The following HELZ variants were observed in gnomAD, a reference collection of about 807,000 sequenced individuals.
The protein encoded by HELZ is ATP-dependent RNA helicase with zinc finger domain.
A neutral mutation model predicts 218.2 loss-of-function variants in HELZ; 23 were observed. That is an observed-to-expected ratio of 0.11 (90% CI 0.08 to 0.15). HELZ has a LOEUF of 0.15. Ranked by LOEUF, HELZ falls within the 10% of genes least tolerant of loss-of-function variation. The probability of loss-of-function intolerance (pLI) is 1.00; values close to 1 mark genes in which losing one functional copy is unlikely to be tolerated. For missense variants in HELZ, 1,813 were observed against 2,353.7 expected (o/e 0.77, Z 4.75); for synonymous variants, 814 against 829.4 (o/e 0.98, Z 0.32).
chr17:67,224,364 C>T (rs1446067279), intron 3 of HELZ: 16 of 188,730 alleles, frequency 8.5e-5, no homozygotes, highest in Non-Finnish European at 1.2e-4. Context: ...GAAACTAAGT[C>T]CTGATGACAT....
intron 31 of HELZ, among the ~76,000 whole-genome samples, chr17:67,103,769 T>C (rs1450970952): frequency 1.3e-5 from 2 of 152,106 alleles, no homozygotes; most frequent in Admixed American, 1.3e-4. Flanking sequence ...ATGAGAAAAT[T>C]CAAGGAACCC....
At chr17:67,113,059 A>T (rs893877020) in intron 28 of HELZ, among the ~76,000 whole-genome samples, 3 of 152,214 alleles carry the variant, frequency 2.0e-5, no homozygotes, top group Non-Finnish European at 4.4e-5. Flanking sequence ...TGAGGAAGAA[A>T]GGAGAAATGA....
At chr17:67,206,557 A>G (rs960560433) in intron 5 of HELZ, among the ~76,000 whole-genome samples, 1 of 152,050 alleles carries the variant, frequency 6.6e-6, no homozygotes, top group Non-Finnish European at 1.5e-5. Flanking sequence ...AATGTTGAGT[A>G]CATATTCTCT....
At position 67,107,456 on chromosome 17, in the gene HELZ, G is replaced by A. The variant is rs780210975; in HGVS notation, c.4954C>T (p.Arg1652Cys). 3.7e-6 allele frequency: 6 copies of A among 1,614,162 alleles called. No individual in the cohort carries two copies. Among genetic ancestry groups the A allele is most frequent in the Middle Eastern group, 1.6e-4 (1 of 6,062 alleles). Reference protein sequence around the residue: ...EVASNPAFPQRLPPQIFNSPF... With the variant: ...EVASNPAFPQCLPPQIFNSPF... ...GAGTTGAATATCTGGGGTGGGAGGC[G>A]CTGTGGAAATGCTGGGTTGCTGGCT... Residue 1652 changes from arginine to cysteine, a missense_variant, in exon 31 of 33, where the codon CGC (arginine) becomes TGC (cysteine). Transcript: ENST00000358691.
chr17:67,133,695 T>C (rs1377961348), intron 23 of HELZ, among the ~76,000 whole-genome samples: 1 of 152,082 alleles, frequency 6.6e-6, no homozygotes, highest in African/African-American at 2.4e-5. Context: ...TTGTATTTTT[T>C]GTAGAGACAA....
chr17:67,123,206 T>A (rs757300359), intron 25 of HELZ, 46 bp from the exon 26 acceptor site: 2 of 1,137,496 alleles, frequency 1.8e-6, no homozygotes, highest in East Asian at 5.1e-5. Context: ...CTGTACATAG[T>A]CATCCAGAAA....
chr17:67,136,841 A>G (rs1482906924), intron 22 of HELZ, among the ~76,000 whole-genome samples: 1 of 152,204 alleles, frequency 6.6e-6, no homozygotes, highest in African/African-American at 2.4e-5. Context: ...GGAAAGATCA[A>G]AAAAGTTCTG....
chr17:67,155,503 A>G (rs1279619082), intron 17 of HELZ, among the ~76,000 whole-genome samples: 2 of 152,246 alleles, frequency 1.3e-5, no homozygotes, highest in Non-Finnish European at 2.9e-5. Flanking sequence ...CCAAAAATGT[A>G]TATGAAAGGA....
rs1270245757 is a variant in HELZ, at chr17:67,190,279, G to T, written c.634C>A (p.Gln212Lys). The change falls in exon 10 of 33, where the codon CAG becomes AAG. Residue 212 changes from glutamine to lysine, a missense_variant. Gln to Lys is a moderately conservative substitution (Grantham distance 53, BLOSUM62 1). Transcript: ENST00000358691. The part of the protein sequence containing the change: ...AHSQEELAEW[Q>K]KRYASRLIKL... Reference sequence around the variant, plus strand: ...ATCAGCCGTGAAGCATATCTTTTCTGCCATTCTGCTAGTTCTTCCTGGGAA... The same window carrying T: ...ATCAGCCGTGAAGCATATCTTTTCTTCCATTCTGCTAGTTCTTCCTGGGAA... 3 of 1,613,646 alleles carry T rather than the reference G, an allele frequency of 1.9e-6. No individual in the cohort carries two copies. The highest frequency in any genetic ancestry group is 2.5e-6 in the Non-Finnish European group (3 of 1,179,730).
At chr17:67,127,396 A>C (rs139339408) in intron 24 of HELZ, among the ~76,000 whole-genome samples, 14 of 152,328 alleles carry the variant, frequency 9.2e-5, no homozygotes, top group Middle Eastern at 3.4e-3. Context: ...TACCCTAAAA[A>C]TGCCAAATCA....
At chr17:67,082,860 G>GTTT (rs1181656722) in intron 32 of HELZ, among the ~76,000 whole-genome samples, 6 of 122,184 alleles carry the variant, frequency 4.9e-5, no homozygotes, top group Admixed American at 8.3e-5. Context: ...TTTTTTTTTT[G>GTTT]TTTTTTTTTT....
chr17:67,215,710 T>C, intron 5 of HELZ, 189 bp downstream of exon 5: 1 of 610,192 alleles, frequency 1.6e-6, no homozygotes, highest in Non-Finnish European at 3.0e-6. Flanking sequence ...ACTTAAACAT[T>C]CATGAGTAAG....
At chr17:67,148,816 A>G (rs1379917985) in intron 19 of HELZ, 102 bp from the exon 20 acceptor site, 3 of 1,007,378 alleles carry the variant, frequency 3.0e-6, no homozygotes, top group African/African-American at 3.2e-5. Context: ...CTTATATACA[A>G]AACTTCAACA....
At chr17:67,230,283 G>A (rs1277678260) in intron 3 of HELZ, among the ~76,000 whole-genome samples, 1 of 151,986 alleles carries the variant, frequency 6.6e-6, no homozygotes, top group African/African-American at 2.4e-5. Flanking sequence ...AAGATATGAA[G>A]AAACAAAAAA....
chr17:67,207,456 G>A (rs1213980108), intron 5 of HELZ, among the ~76,000 whole-genome samples: 2 of 151,860 alleles, frequency 1.3e-5, no homozygotes, highest in Non-Finnish European at 2.9e-5. Flanking sequence ...CTGACCTCAG[G>A]TGATCCACTC....
Position 67,109,116 on chromosome 17 carries a change from C to T in HELZ, c.4489G>A (p.Asp1497Asn). The T allele has an allele frequency of 6.3e-7, 1 of 1,599,344 alleles. No homozygotes were observed. The highest frequency in any genetic ancestry group is 8.5e-7 in the Non-Finnish European group (1 of 1,172,340). The change falls in exon 29 of 33, where the codon GAT becomes AAT. Residue 1497 changes from aspartate to asparagine, a missense_variant and splice_region_variant. Asp to Asn is a conservative substitution (Grantham distance 23). Coordinates refer to ENST00000358691, the MANE Select transcript of HELZ (RefSeq NM_014877.4). ...PSGLPIGEAL[D>N]RIHGSVALET... ...CACATCTGGCAGTAATAGAACTTAC[C>T]TAAAGCCTCCCCTATAGGTAATCCC... is the stretch of plus-strand genomic sequence containing the variant.
At chr17:67,087,341 T>C (rs1223904703) in intron 31 of HELZ, among the ~76,000 whole-genome samples, 3 of 152,212 alleles carry the variant, frequency 2.0e-5, no homozygotes, top group Non-Finnish European at 4.4e-5. Flanking sequence ...TGACAATATA[T>C]GTCTGATTTC....
chr17:67,199,210 CTTTTT>C (rs1156398239), intron 7 of HELZ, among the ~76,000 whole-genome samples: 1 of 122,982 alleles, frequency 8.1e-6, no homozygotes, highest in Admixed American at 8.9e-5. Context: ...TTTGCCATTA[CTTTTT>C]TTTTTTTTTT....
chr17:67,237,493 T>C (rs576327675), intron 3 of HELZ, among the ~76,000 whole-genome samples: 2 of 152,124 alleles, frequency 1.3e-5, no homozygotes, highest in Admixed American at 1.3e-4. Context: ...TAAAAGGCAG[T>C]GTGGACTCAG....
Sources: allele counts gnomAD v4.1 joint callset (sites outside exome capture counted in the v4.1 genomes callset), GRCh38; gene constraint gnomAD v4.1.1; transcripts MANE v1.5; gene names NCBI Gene and HGNC (gene_info 2026-07-23, HGNC 2026-07-21).